The following CTSK variants were observed in gnomAD, a reference collection of about 807,000 sequenced individuals.
CTSK encodes the protein cathepsin K.
In CTSK, 26 loss-of-function variants were observed where a neutral mutation model predicts 40.5. That is an observed-to-expected ratio of 0.64 (90% CI 0.47 to 0.89). The LOEUF (loss-of-function observed/expected upper bound fraction) is 0.89, where lower values mean the gene tolerates loss of function less well. Among genes scored for constraint, CTSK ranks in the 40% least tolerant of loss-of-function variants. The pLI is 0.00. For synonymous variants in CTSK, 132 were observed against 143.2 expected (o/e 0.92, Z 0.56); for missense variants, 292 against 400.1 (o/e 0.73, Z 2.30).
At position 150,804,557 on chromosome 1, in the gene CTSK, T is replaced by A. The variant is rs587631786; in HGVS notation, c.400-318A>T. Among the ~76,000 whole-genome samples, 4 of 152,360 alleles carry A rather than the reference T, an allele frequency of 2.6e-5. No individual in the cohort carries two copies. In the South Asian group the frequency reaches 8.3e-4, roughly 32 times the overall value. On this transcript the variant is annotated intron_variant, in intron 4 of 7. Transcript: ENST00000271651. ...TTACTAAATTTGCCTGTGTCTCAGT[T>A]TCTCTATGCATAAAATATTGTTATA...
intron 1 of CTSK, 119 bp downstream of exon 1, chr1:150,808,093 ATC>A (rs746356618): frequency 2.6e-5 from 4 of 152,222 alleles, no homozygotes; most frequent in South Asian, 2.1e-4. Flanking sequence ...TAAGAAGTGC[ATC>A]TCTGTTTTCA....
At chr1:150,803,990 A>C in intron 5 of CTSK, 31 bp downstream of exon 5, 33 of 1,555,082 alleles carry the variant, frequency 2.1e-5, no homozygotes, top group Non-Finnish European at 2.8e-5. Context: ...AGGAGCCAAC[A>C]GAGCTGTATA....
rs1276469462 is a variant in CTSK, at chr1:150,805,970, AG to A, written c.289del (p.Leu97CysfsTer64). ...GGTGTCATTACTGCGGGAATGAGAC[AG>A]GGGTACTTTGAGTCCAGTCATCTTC... ...VQKMTGLKVPLSHSRSNDTLY... is the reference protein window; with the variant it reads ...VQKMTGLKVPXSHSRSNDTLY... On this transcript the variant is annotated frameshift_variant, in exon 4 of 8. Coordinates refer to ENST00000271651, the MANE Select transcript of CTSK (RefSeq NM_000396.4). LOFTEE classifies it high-confidence loss of function. 6.2e-7 allele frequency: 1 copy of A among 1,614,074 alleles called. No homozygotes were observed. Among genetic ancestry groups the A allele is most frequent in the Non-Finnish European group, 8.5e-7 (1 of 1,180,028 alleles).
rs1237746431 is a variant in CTSK, at chr1:150,796,895, C to T, written c.894G>A (p.Trp298Ter). ...ATCCTTTGTTTCCCCAGTTTTCTCC[C>T]CAGCTGTAAGACCAATCAAGAAAAA... ...GNKHWIIKNSWGENWGNKGYI... is the reference protein window; with the variant it reads ...GNKHWIIKNS Residue 298 changes from tryptophan to a stop codon, truncating the protein, a stop_gained, in exon 8 of 8, where the codon TGG becomes TGA. Transcript: ENST00000271651. LOFTEE classifies it high-confidence loss of function. 3.1e-6 allele frequency: 5 copies of T among 1,610,544 alleles called. No homozygotes were observed. The highest frequency in any genetic ancestry group is 1.3e-5 in the African/African-American group (1 of 74,818).
Position 150,804,243 on chromosome 1 carries a change from A to G in CTSK, c.400-4T>C. On this transcript the variant is annotated splice_polypyrimidine_tract_variant and splice_region_variant and intron_variant, in intron 4 of 7. Transcript: ENST00000271651. ...CCCAACAGGAACCACACTGACCCTGAAAGGCATACAGAGAAACTATCAATC... is the reference window on the plus strand; with the variant it reads ...CCCAACAGGAACCACACTGACCCTGGAAGGCATACAGAGAAACTATCAATC... The G allele has an allele frequency of 6.2e-7, 1 of 1,608,872 alleles. No individual in the cohort carries two copies. The highest frequency in any genetic ancestry group is 8.5e-7 in the Non-Finnish European group (1 of 1,175,200).
At chr1:150,798,973 A>G (rs587658446) in intron 7 of CTSK, among the ~76,000 whole-genome samples, 195 bp downstream of exon 7, 1 of 152,296 alleles carries the variant, frequency 6.6e-6, no homozygotes, top group East Asian at 1.9e-4. Flanking sequence ...TTTTGTGGCA[A>G]TGCAAAATGG....
intron 4 of CTSK, 67 bp downstream of exon 4, chr1:150,805,794 C>CA (rs1241711213): frequency 6.4e-6 from 10 of 1,560,558 alleles, no homozygotes; most frequent in Admixed American, 1.7e-5. Flanking sequence ...ACCTCAAGAA[C>CA]AAAGCAGCAG....
chr1:150,796,913 A>G lies in CTSK; in HGVS notation c.891-15T>C, dbSNP rs368879788. On this transcript the variant is annotated splice_polypyrimidine_tract_variant and intron_variant, in intron 7 of 7. Coordinates refer to ENST00000271651, the MANE Select transcript of CTSK (RefSeq NM_000396.4). ...TTTCTCCCCAGCTGTAAGACCAATC[A>G]AGAAAAATACTTAGTACTCTCAGTT... The G allele has an allele frequency of 2.0e-6, 3 of 1,534,298 alleles. No homozygotes were observed. The African/African-American group carries it at 4.1e-5, about 21-fold the overall frequency.
At position 150,806,111 on chromosome 1, in the gene CTSK, C is replaced by T. The variant is rs1329277026; in HGVS notation, c.234G>A (p.Leu78=). Residue 78 remains leucine, a synonymous_variant, in exon 3 of 8, where the codon CTG becomes CTA. Coordinates refer to ENST00000271651, the MANE Select transcript of CTSK (RefSeq NM_000396.4). ...VHTYELAMNH[L]GDMTSEEVVQ... Reference sequence around the variant, plus strand: ...CTGAAGCTATACTTGCCATGTCCCCCAGGTGGTTCATAGCCAGTTCATATG... The same window carrying T: ...CTGAAGCTATACTTGCCATGTCCCCTAGGTGGTTCATAGCCAGTTCATATG... The T allele has an allele frequency of 1.2e-6, 2 of 1,614,036 alleles. No homozygotes were observed. The highest frequency in any genetic ancestry group is 2.2e-5 in the East Asian group (1 of 44,892).
Position 150,796,648 on chromosome 1 carries a change from G to A in CTSK, c.*151C>T, listed in dbSNP as rs1653881239. On this transcript the variant is annotated 3_prime_UTR_variant, in exon 8 of 8. Transcript: ENST00000271651. The stretch of plus-strand genomic sequence containing the variant: ...AGAAGCAAAGTAGGAAGGATCATTT[G>A]AAGCACAAACAAATGGGGAAACTGA... 1 of 765,746 alleles carries A rather than the reference G, an allele frequency of 1.3e-6. No individual in the cohort carries two copies. The allele number at this position is 765,746 out of a possible 1,614,324, so 47.4% of individuals were successfully genotyped here. A position where few individuals can be genotyped will look rare whatever the true frequency, so the allele number is the denominator to read the frequency against.
intron 5 of CTSK, among the ~76,000 whole-genome samples, chr1:150,802,017 C>T (rs587737603): frequency 4.2e-4 from 63 of 150,930 alleles, no homozygotes; most frequent in African/African-American, 1.4e-3. Context: ...GTGGCTCACA[C>T]CTGTAATCCC....
At chr1:150,799,317 G>T in intron 6 of CTSK, 44 bp from the exon 7 acceptor site, 1 of 1,453,416 alleles carries the variant, frequency 6.9e-7, no homozygotes. Context: ...CAATCCAAGG[G>T]TCACCCTGTG....
intron 7 of CTSK, among the ~76,000 whole-genome samples, chr1:150,798,215 A>AT (rs1653911641): frequency 6.6e-6 from 1 of 152,150 alleles, no homozygotes; most frequent in South Asian, 2.1e-4. Flanking sequence ...TTTTGTTTAT[A>AT]TCTTATTTCT....
chr1:150,808,128 T>G (rs1654160840), intron 1 of CTSK, 86 bp downstream of exon 1: 1 of 152,238 alleles, frequency 6.6e-6, no homozygotes, highest in Non-Finnish European at 1.5e-5. Flanking sequence ...AAAAGTTTAT[T>G]GTGATCCTCA....
At chr1:150,804,302 C>A (rs1654046175) in intron 4 of CTSK, 63 bp from the exon 5 acceptor site, 3 of 1,327,954 alleles carry the variant, frequency 2.3e-6, no homozygotes, top group Non-Finnish European at 3.2e-6. Context: ...CTTCTCTCTA[C>A]CTGCCTGAAG....
rs60084401 is a variant in CTSK at position 150,807,067 on chromosome 1, GTCTC to G, written c.-1-265_-1-262del. The stretch of plus-strand genomic sequence containing the variant: ...ACACACTCTCTCTGTTTCTCTCTCT[GTCTC>G]TCTCTCTCTCACACACACACACACA... On this transcript the variant is annotated intron_variant, in intron 1 of 7. Transcript: ENST00000271651. 9.2e-3 allele frequency among the ~76,000 whole-genome samples: 1,189 copies of G among 128,752 alleles called. 13 individuals carry two copies. The highest frequency in any genetic ancestry group is 0.018 in the African/African-American group (600 of 34,232). 84.5% of individuals were successfully genotyped at this position (128,752 alleles called of 152,430 possible).
intron 5 of CTSK, among the ~76,000 whole-genome samples, chr1:150,801,268 G>A (rs587690857): frequency 1.5e-4 from 23 of 151,788 alleles, no homozygotes; most frequent in Admixed American, 7.9e-4. Context: ...ACAAGCGTGC[G>A]CAATCACACC....
chr1:150,806,797 C>A lies in CTSK; in HGVS notation c.9G>T (p.Gly3=). The change falls in exon 2 of 8, where the codon GGG becomes GGT. Residue 3 remains glycine (G), a synonymous_variant. Coordinates refer to ENST00000271651, the MANE Select transcript of CTSK (RefSeq NM_000396.4). MW[G]LKVLLLPVVS... is the part of the protein sequence containing the mutation. ...CCACAGGTAGCAGCAGAACCTTGAG[C>A]CCCCACATCCTGCAGAAGAATGTAG... is the stretch of plus-strand genomic sequence containing the variant. The A allele has an allele frequency of 6.2e-7, 1 of 1,613,772 alleles. No homozygotes were observed. The highest frequency in any genetic ancestry group is 8.5e-7 in the Non-Finnish European group (1 of 1,179,980).
chr1:150,801,542 C>CTT (rs781467598), intron 5 of CTSK, among the ~76,000 whole-genome samples: 4 of 144,386 alleles, frequency 2.8e-5, no homozygotes, highest in African/African-American at 2.5e-5. Context: ...TTAAAATTAA[C>CTT]TTTTTTTTTT....
Sources: gnomAD v4.1 joint callset for allele counts (sites outside exome capture counted in the v4.1 genomes callset) on GRCh38, gnomAD v4.1.1 for gene constraint, MANE v1.5 for transcripts, NCBI Gene and HGNC (gene_info 2026-07-23, HGNC 2026-07-21) for gene names.